Variants in PARP2 observed in about 807,000 individuals in gnomAD.
PARP2 encodes poly [ADP-ribose] polymerase 2.
In PARP2, 57 loss-of-function variants were observed where a neutral mutation model predicts 77.8. The observed-to-expected ratio is 0.73, with a 90% CI of 0.59 to 0.91. PARP2 has a LOEUF of 0.91. Ranked by LOEUF, PARP2 falls within the 40% of genes least tolerant of loss-of-function variation. PARP2 has a pLI of 0.00. For missense variants in PARP2, 651 were observed against 689.0 expected, an observed-to-expected ratio of 0.94 and a Z score of 0.62; for synonymous variants, 226 against 242.6, an observed-to-expected ratio of 0.93 and a Z score of 0.64.
Position 20,346,857 on chromosome 14 carries a change from TTC to T in PARP2, c.274-4_274-3del. 6.3e-7 allele frequency: 1 copy of T among 1,595,376 alleles called. No individual in the cohort carries two copies. Among genetic ancestry groups the T allele is most frequent in the Non-Finnish European group, 8.6e-7 (1 of 1,165,578 alleles). ...ATGTTGATTTTTTCTCTCTCTCCCTTTCTAGGCTCATGTGTATTGTGAAGGAA... is the reference window on the plus strand; with the variant it reads ...ATGTTGATTTTTTCTCTCTCTCCCTTTAGGCTCATGTGTATTGTGAAGGAA... On this transcript the variant is annotated splice_region_variant and splice_polypyrimidine_tract_variant and intron_variant, in intron 3 of 15. Coordinates refer to ENST00000429687, the MANE Select transcript of PARP2 (RefSeq NM_001042618.2).
At chr14:20,347,731 G>C (rs1883821237) in intron 4 of PARP2, among the ~76,000 whole-genome samples, 1 of 151,582 alleles carries the variant, frequency 6.6e-6, no homozygotes, top group Non-Finnish European at 1.5e-5. Flanking sequence ...ATTAATATTA[G>C]CCATTAGTGG....
intron 1 of PARP2, chr14:20,344,313 C>T (rs3093883): frequency 0.042 from 6,386 of 152,972 alleles, 192 homozygotes; most frequent in Middle Eastern, 0.099. Context: ...TTATCCCATA[C>T]GGCCTCATGT....
At chr14:20,347,376 ATATATATATATATATATATATATTTTTTT>A (rs1883787450) in intron 4 of PARP2, among the ~76,000 whole-genome samples, 2 of 13,252 alleles carry the variant, frequency 1.5e-4, no homozygotes, top group Admixed American at 1.2e-3. Flanking sequence ...ATATATATAT[ATATATATATATATATATATATATTTTTTT>A]TTTTTTTTTT....
Position 20,356,442 on chromosome 14 carries a change from T to G in PARP2, c.1229+8T>G, listed in dbSNP as rs181717519. The stretch of plus-strand genomic sequence containing the variant: ...AGAGGACCTTCATAACAGGTCTGAG[T>G]CTAGCTTTGCGTTTGGAAAGACACT... On this transcript the variant is annotated splice_region_variant and intron_variant, in intron 12 of 15. Transcript: ENST00000429687. 2,150 of 1,614,110 alleles carry G rather than the reference T, an allele frequency of 1.3e-3. 3 individuals carry two copies. The highest frequency in any genetic ancestry group is 1.7e-3 in the Non-Finnish European group (1,982 of 1,179,984).
chr14:20,350,516 C>T lies in PARP2; in HGVS notation c.325-10C>T, dbSNP rs1169023712. The stretch of plus-strand genomic sequence containing the variant: ...CTCCTTTTTTTTGTTTTTGTTTTCA[C>T]TCAACATAGACCAATCTCCAGTTCA... On this transcript the variant is annotated splice_polypyrimidine_tract_variant and intron_variant, in intron 4 of 15. Coordinates refer to ENST00000429687, the MANE Select transcript of PARP2 (RefSeq NM_001042618.2). The T allele has an allele frequency of 2.0e-6, 3 of 1,512,622 alleles. No individual in the cohort carries two copies. Among genetic ancestry groups the T allele is most frequent in the Admixed American group, 3.5e-5 (2 of 57,868 alleles). The allele number at this position is 1,512,622 out of a possible 1,614,324, so 93.7% of individuals were successfully genotyped here. A position where few individuals can be genotyped will look rare whatever the true frequency, so the allele number is the denominator to read the frequency against.
At chr14:20,351,212 C>A in intron 6 of PARP2, 90 bp downstream of exon 6, 2 of 851,316 alleles carry the variant, frequency 2.3e-6, no homozygotes, top group Non-Finnish European at 3.7e-6. Context: ...CAGTTTCACT[C>A]TTGTTGCCCA....
chr14:20,344,859 A>AT, intron 1 of PARP2, 73 bp from the exon 2 acceptor site: 1 of 994,744 alleles, frequency 1.0e-6, no homozygotes, highest in Non-Finnish European at 1.5e-6. Flanking sequence ...TCTTTAAAAG[A>AT]TTTTTTTCAA....
At position 20,350,586 on chromosome 14, in the gene PARP2, C is replaced by A; in HGVS notation, c.385C>A (p.Gln129Lys). 1.2e-6 allele frequency: 2 copies of A among 1,610,512 alleles called. No individual in the cohort carries two copies. The highest frequency in any genetic ancestry group is 1.7e-6 in the Non-Finnish European group (2 of 1,176,844). ...GATTCAGCTATTAGAAGATGATGCC[C>A]AGAGGAACTTCAGTGTTTGGATGAG... ...YLIQLLEDDA[Q>K]RNFSVWMRWG... Residue 129 changes from glutamine to lysine, a missense_variant, in exon 5 of 16, where the codon CAG becomes AAG. Transcript: ENST00000429687.
chr14:20,350,796 T>C, intron 5 of PARP2, 174 bp downstream of exon 5: 1 of 610,898 alleles, frequency 1.6e-6, no homozygotes, highest in Non-Finnish European at 2.9e-6. Flanking sequence ...GGCATCCTCC[T>C]TAGAGTTCCC....
intron 4 of PARP2, among the ~76,000 whole-genome samples, chr14:20,347,391 TATATA>T (rs1566418439): frequency 4.4e-4 from 9 of 20,352 alleles, no homozygotes; most frequent in African/African-American, 1.8e-3. Flanking sequence ...TATATATATA[TATATA>T]TATTTTTTTT....
chr14:20,353,771 C>T (rs769899937), intron 7 of PARP2, among the ~76,000 whole-genome samples: 1 of 152,116 alleles, frequency 6.6e-6, no homozygotes, highest in Non-Finnish European at 1.5e-5. Context: ...GACATAATAG[C>T]TGTCTTTACA....
chr14:20,353,669 G>T (rs1200928806), intron 7 of PARP2, among the ~76,000 whole-genome samples: 1 of 152,120 alleles, frequency 6.6e-6, no homozygotes, highest in African/African-American at 2.4e-5. Flanking sequence ...TAGATAAACT[G>T]AGGTATACCA....
intron 7 of PARP2, among the ~76,000 whole-genome samples, chr14:20,353,172 G>T (rs965901606): frequency 1.2e-4 from 19 of 152,034 alleles, no homozygotes; most frequent in Admixed American, 1.2e-3. Context: ...GAGCCATCAC[G>T]CCCGGCCTAC....
Position 20,354,997 on chromosome 14 carries a change from C to G in PARP2, c.902+50C>G, listed in dbSNP as rs752266352. On this transcript the variant is annotated intron_variant, in intron 9 of 15. Coordinates refer to ENST00000429687, the MANE Select transcript of PARP2 (RefSeq NM_001042618.2). ...TTTGTTCTTCTACCTATACATATCC[C>G]CTGTATCCATCAGCAGCAGCTATAA... 8 of 1,489,274 alleles carry G rather than the reference C, an allele frequency of 5.4e-6. No homozygotes were observed. In the East Asian group the frequency reaches 6.9e-5, roughly 13 times the overall value. The allele number at this position is 1,489,274 out of a possible 1,614,324, so 92.3% of individuals were successfully genotyped here.
At chr14:20,346,234 C>T (rs760524301) in intron 3 of PARP2, among the ~76,000 whole-genome samples, 1 of 150,806 alleles carries the variant, frequency 6.6e-6, no homozygotes, top group Non-Finnish European at 1.5e-5. Context: ...TAATGAGAAA[C>T]TGTACCCTGG....
intron 3 of PARP2, among the ~76,000 whole-genome samples, chr14:20,346,269 G>A (rs1760924): frequency 0.22 from 32,611 of 150,654 alleles, 7,945 homozygotes; most frequent in African/African-American, 0.61. Flanking sequence ...CTGATGAATG[G>A]GGAAAAAAGA....
At chr14:20,355,046 GA>G in intron 9 of PARP2, 99 bp downstream of exon 9, 1 of 1,146,200 alleles carries the variant, frequency 8.7e-7, no homozygotes, top group Non-Finnish European at 1.2e-6. Flanking sequence ...TTATTCCTAA[GA>G]AAATGATCGT....
intron 4 of PARP2, among the ~76,000 whole-genome samples, chr14:20,348,985 C>T (rs1432922589): frequency 2.0e-5 from 3 of 151,592 alleles, no homozygotes; most frequent in South Asian, 2.1e-4. Flanking sequence ...TACCATTGTA[C>T]TCCAGCCCTG....
Position 20,356,029 on chromosome 14 carries a change from A to G in PARP2, c.1099A>G (p.Lys367Glu), listed in dbSNP as rs1471834179. 6.2e-7 allele frequency: 1 copy of G among 1,613,312 alleles called. No homozygotes were observed. The highest frequency in any genetic ancestry group is 8.5e-7 in the Non-Finnish European group (1 of 1,179,694). Residue 367 changes from lysine (K) to glutamate (E), a missense_variant and splice_region_variant, in exon 11 of 16, where the codon AAA becomes GAA. Transcript: ENST00000429687. ...CCTTGACCATGAAAGTTATGAGTTC[A>G]AAGTAAGAAAAATGATCATTTATTT... Reference protein sequence around the residue: ...RPLDHESYEFKVISQYLQSTH... With the variant: ...RPLDHESYEFEVISQYLQSTH...
Sources: allele counts gnomAD v4.1 joint callset (sites outside exome capture counted in the v4.1 genomes callset), GRCh38; gene constraint gnomAD v4.1.1; transcripts MANE v1.5; gene names NCBI Gene and HGNC (gene_info 2026-07-23, HGNC 2026-07-21).